Variants in GLG1 observed in about 807,000 individuals in gnomAD.
GLG1 encodes the protein golgi glycoprotein 1, also known as Golgi apparatus protein 1.
In GLG1, 38 loss-of-function variants were observed where a neutral mutation model predicts 160.5. The observed-to-expected ratio is 0.24, with a 90% CI of 0.18 to 0.31. The LOEUF is 0.31. Ranked by LOEUF, GLG1 falls within the 10% of genes least tolerant of loss-of-function variation. The pLI, the probability that GLG1 is intolerant of heterozygous loss-of-function variation, is 1.00. For synonymous variants in GLG1, 644 were observed against 543.4 expected (o/e 1.19, Z -2.57); for missense variants, 1,373 against 1,505.2 (o/e 0.91, Z 1.45).
chr16:74,498,433 C>CA (rs752055366), intron 4 of GLG1, among the ~76,000 whole-genome samples: 24,664 of 30,008 alleles, frequency 0.82, 10,480 homozygotes, highest in East Asian at 0.95. Context: ...GGCTCTGTCT[C>CA]AAAAAAAAAA....
intron 25 of GLG1, among the ~76,000 whole-genome samples, chr16:74,455,182 T>A (rs572007239): frequency 6.4e-4 from 98 of 152,312 alleles, no homozygotes; most frequent in African/African-American, 2.3e-3. Context: ...ACCTTGATGG[T>A]AGCCTGCTAT....
intron 2 of GLG1, among the ~76,000 whole-genome samples, chr16:74,529,813 T>TG (rs3073218): frequency 2.4e-5 from 3 of 125,254 alleles, no homozygotes; most frequent in South Asian, 3.0e-4. Flanking sequence ...TTGAGAGTTC[T>TG]TTTTTTTTTT....
At chr16:74,462,313 A>T in intron 21 of GLG1, 118 bp from the exon 22 acceptor site, 1 of 812,130 alleles carries the variant, frequency 1.2e-6, no homozygotes, top group East Asian at 2.5e-5. Context: ...AAAAACAAAA[A>T]GAACAAGAAA....
chr16:74,538,691 A>C (rs988835558), intron 1 of GLG1, among the ~76,000 whole-genome samples: 17 of 151,780 alleles, frequency 1.1e-4, no homozygotes, highest in African/African-American at 4.1e-4. Flanking sequence ...CCTTTTCAAA[A>C]AGGAGTTACT....
intron 1 of GLG1, among the ~76,000 whole-genome samples, chr16:74,598,988 T>C (rs1432436269): frequency 6.6e-6 from 1 of 151,996 alleles, no homozygotes; most frequent in South Asian, 2.1e-4. Flanking sequence ...TTAGGAGAAA[T>C]GCACAAAAGA....
chr16:74,536,464 G>C (rs2017690689), intron 1 of GLG1, among the ~76,000 whole-genome samples: 3 of 152,210 alleles, frequency 2.0e-5, no homozygotes, highest in African/African-American at 7.2e-5. Context: ...AGGATACAAA[G>C]ACAACATTCT....
chr16:74,597,427 T>A (rs1240154107), intron 1 of GLG1, among the ~76,000 whole-genome samples: 18 of 124,030 alleles, frequency 1.5e-4, no homozygotes, highest in Admixed American at 2.7e-4. Context: ...TGAGACTCCA[T>A]CTCAAAAAAA....
rs2014396703 is a variant in GLG1 at position 74,453,244 on chromosome 16, T to C, written c.3463A>G (p.Ile1155Val). 3.1e-6 allele frequency: 5 copies of C among 1,613,490 alleles called. No homozygotes were observed. The highest frequency in any genetic ancestry group is 1.1e-5 in the South Asian group (1 of 91,066). The change falls in exon 26 of 26, where the codon ATC (isoleucine) becomes GTC (valine). Residue 1155 changes from isoleucine (I) to valine (V), a missense_variant. Physicochemically the swap from Ile to Val is conservative, Grantham distance 29. Around this residue, in one of 4 missense-constraint regions of GLG1, gnomAD observed 491 missense variants for 632.1 expected, o/e 0.78. Coordinates refer to ENST00000422840, the MANE Select transcript of GLG1 (RefSeq NM_001145667.2). ...AGGCCAATCAGGAACAATATACAGA[T>C]GCTCCCACTGATCACAGAGAGAATG... ...NYILSVISGS[I>V]CILFLIGLMC...
intron 18 of GLG1, 22 bp downstream of exon 18, chr16:74,467,734 C>A (rs1259650062): frequency 1.4e-6 from 2 of 1,480,340 alleles, no homozygotes; most frequent in African/African-American, 2.8e-5. Flanking sequence ...TTTACAATTA[C>A]AAAAGAAAAG....
At chr16:74,519,692 C>G (rs952849615) in intron 2 of GLG1, among the ~76,000 whole-genome samples, 3 of 151,888 alleles carry the variant, frequency 2.0e-5, no homozygotes, top group Non-Finnish European at 4.4e-5. Flanking sequence ...AAAATCAAAA[C>G]AAGAAATTCC....
intron 2 of GLG1, among the ~76,000 whole-genome samples, chr16:74,530,311 T>C (rs2017490978): frequency 6.6e-6 from 1 of 152,212 alleles, no homozygotes; most frequent in Admixed American, 6.5e-5. Context: ...TCAAAACATA[T>C]GCATTTTAGG....
intron 3 of GLG1, among the ~76,000 whole-genome samples, chr16:74,507,412 A>G (rs2016651623): frequency 6.6e-6 from 1 of 152,110 alleles, no homozygotes; most frequent in Non-Finnish European, 1.5e-5. Context: ...GGGTATATAT[A>G]TATGTATCTC....
rs552269446 is a variant in GLG1 at position 74,551,009 on chromosome 16, A to C, written c.439-18856T>G. 1.1e-4 allele frequency among the ~76,000 whole-genome samples: 17 copies of C among 152,294 alleles called. No homozygotes were observed. In the East Asian group the frequency reaches 3.1e-3, roughly 28 times the overall value. On this transcript the variant is annotated intron_variant, in intron 1 of 25. Coordinates refer to ENST00000422840, the MANE Select transcript of GLG1 (RefSeq NM_001145667.2). ...AGCAACCCTGGAAATATTCATGTTG[A>C]ATCTAACGGACAACTTATTTAACCC...
intron 1 of GLG1, among the ~76,000 whole-genome samples, chr16:74,578,518 T>G (rs1486025874): frequency 6.6e-6 from 1 of 152,194 alleles, no homozygotes; most frequent in Non-Finnish European, 1.5e-5. Flanking sequence ...ATTTAAAAAT[T>G]AGGTAAATAA....
chr16:74,578,768 T>C (rs1216269693), intron 1 of GLG1, among the ~76,000 whole-genome samples: 3 of 152,236 alleles, frequency 2.0e-5, no homozygotes, highest in African/African-American at 4.8e-5. Flanking sequence ...ATTGATTCTG[T>C]GGTTTTTTAA....
intron 1 of GLG1, among the ~76,000 whole-genome samples, chr16:74,600,006 C>A (rs1430962973): frequency 6.6e-6 from 1 of 152,052 alleles, no homozygotes; most frequent in African/African-American, 2.4e-5. Flanking sequence ...TGCACTCCAG[C>A]CTGGGTGACA....
At chr16:74,588,127 G>A (rs1018016630) in intron 1 of GLG1, among the ~76,000 whole-genome samples, 1 of 152,012 alleles carries the variant, frequency 6.6e-6, no homozygotes, top group Non-Finnish European at 1.5e-5. Flanking sequence ...ATTAAAAACA[G>A]AGCCCACTTG....
rs550933847 is a variant in GLG1 at position 74,478,467 on chromosome 16, A to G, written c.1828-934T>C. Among the ~76,000 whole-genome samples the G allele has an allele frequency of 7.9e-5, 12 of 152,304 alleles. No homozygotes were observed. The East Asian group carries it at 2.1e-3, about 27-fold the overall frequency. On this transcript the variant is annotated intron_variant, in intron 11 of 25. Transcript: ENST00000422840. ...AGTCTCTCTTGCAAAAAAAGAAAAA[A>G]AAGCCAGCATACCTGGGGCAGGAGG...
intron 1 of GLG1, among the ~76,000 whole-genome samples, chr16:74,570,267 C>T (rs1430186581): frequency 6.6e-6 from 1 of 152,132 alleles, no homozygotes; most frequent in Non-Finnish European, 1.5e-5. Flanking sequence ...AACTTTGGTG[C>T]AAAAACATCA....
Sources: gnomAD v4.1 joint callset for allele counts (sites outside exome capture counted in the v4.1 genomes callset) on GRCh38, gnomAD v4.1.1 for gene constraint, gnomAD v4.1.1 regional missense constraint, MANE v1.5 for transcripts, NCBI Gene and HGNC (gene_info 2026-07-23, HGNC 2026-07-21) for gene names.